Variants in FBXO7 observed in about 807,000 individuals in gnomAD.
FBXO7 encodes F-box protein 7.
FBXO7 carries 31 observed loss-of-function variants against 50.2 expected under a neutral mutation model. The observed-to-expected ratio is 0.62, with a 90% CI of 0.46 to 0.83. FBXO7 has a LOEUF of 0.83. FBXO7 is among the 40% of genes least tolerant of loss of function. The pLI is 0.00. For synonymous variants in FBXO7, 256 were observed against 253.1 expected, an observed-to-expected ratio of 1.01 and a Z score of -0.11; for missense variants, 667 against 646.6, an observed-to-expected ratio of 1.03 and a Z score of -0.34.
At chr22:32,475,232 C>T in intron 1 of FBXO7, 108 bp downstream of exon 1, 2 of 1,520,830 alleles carry the variant, frequency 1.3e-6, no homozygotes, top group East Asian at 2.5e-5. Context: ...CGTGGCCGGG[C>T]GATAGGCCAA....
intron 4 of FBXO7, 142 bp downstream of exon 4, chr22:32,485,351 A>G: frequency 9.2e-7 from 1 of 1,088,432 alleles, no homozygotes; most frequent in Middle Eastern, 2.9e-4. Context: ...TAGGCCACTG[A>G]TAACATGTGT....
At chr22:32,477,768 G>A (rs2057438278) in intron 1 of FBXO7, among the ~76,000 whole-genome samples, 1 of 152,114 alleles carries the variant, frequency 6.6e-6, no homozygotes, top group Admixed American at 6.5e-5. Flanking sequence ...TTGATTTCAC[G>A]CTCATCTCTT....
chr22:32,487,913 C>T, intron 5 of FBXO7, 85 bp downstream of exon 5: 1 of 840,842 alleles, frequency 1.2e-6, no homozygotes, highest in South Asian at 1.5e-5. Flanking sequence ...GTTCAAAAGA[C>T]TGAAAATTTC....
At chr22:32,475,572 A>C (rs1390086708) in intron 1 of FBXO7, 1 of 825,426 alleles carries the variant, frequency 1.2e-6, no homozygotes, top group Non-Finnish European at 1.8e-6. Flanking sequence ...ATTTCAATGA[A>C]AAAGTTTGGA....
chr22:32,480,734 A>G (rs780035137), intron 2 of FBXO7, among the ~76,000 whole-genome samples: 8 of 151,512 alleles, frequency 5.3e-5, no homozygotes, highest in South Asian at 2.1e-4. Context: ...CAGTGGCACA[A>G]TCTCAGCTCA....
Position 32,491,163 on chromosome 22 carries a change from C to T in FBXO7, c.949C>T (p.Leu317=), listed in dbSNP as rs9726. ...LFKDQLVYPL[L]AFTRQALNLP... is the part of the protein sequence containing the mutation. The stretch of plus-strand genomic sequence containing the variant: ...TAAAGACCAGCTGGTGTATCCTCTT[C>T]TGGCTTTTACCCGACAAGGTAAGAG... Residue 317 remains leucine (L), a synonymous_variant, in exon 6 of 9, where the codon CTG becomes TTG. Transcript: ENST00000266087. 648,192 of 1,606,990 alleles carry T rather than the reference C, an allele frequency of 0.4. 136,332 individuals carry two copies. The highest frequency in any genetic ancestry group is 0.73 in the East Asian group (32,726 of 44,768).
At position 32,481,972 on chromosome 22, in the gene FBXO7, T is replaced by C. The variant is rs2057467761; in HGVS notation, c.418-1925T>C. Among the ~76,000 whole-genome samples, 3 of 151,998 alleles carry C rather than the reference T, an allele frequency of 2.0e-5. No individual in the cohort carries two copies. In the South Asian group the frequency reaches 6.2e-4, roughly 31 times the overall value. On this transcript the variant is annotated intron_variant, in intron 2 of 8. Coordinates refer to ENST00000266087, the MANE Select transcript of FBXO7 (RefSeq NM_012179.4). ...AATGTCAGTGGTTCTTATGGAGTAG[T>C]AGTAAGGCTTGACAAGCCCAGCAGG... is the stretch of plus-strand genomic sequence containing the variant.
At chr22:32,475,301 G>A in intron 1 of FBXO7, 177 bp downstream of exon 1, 1 of 1,603,012 alleles carries the variant, frequency 6.2e-7, no homozygotes, top group Non-Finnish European at 8.5e-7. Context: ...GCGTCGCGGA[G>A]CCGGAGGGTG....
intron 7 of FBXO7, among the ~76,000 whole-genome samples, chr22:32,494,818 G>A (rs116072524): frequency 0.011 from 1,625 of 152,272 alleles, 40 homozygotes; most frequent in African/African-American, 0.037. Context: ...CGGAGCTAGA[G>A]CTTTTATAAA....
rs1429172402 is a variant in FBXO7 at position 32,479,081 on chromosome 22, T to C, written c.223T>C (p.Cys75Arg). ...TGGGATTGTTTCTGGGGACTTGATA[T>C]GTTTGATTCTTCAAGATGACATTCC... Reference protein sequence around the residue: ...SYGIVSGDLICLILQDDIPAP... With the variant: ...SYGIVSGDLIRLILQDDIPAP... Residue 75 changes from cysteine to arginine, a missense_variant, in exon 2 of 9, where the codon TGT becomes CGT. Cys to Arg is a radical substitution (Grantham distance 180). Coordinates refer to ENST00000266087, the MANE Select transcript of FBXO7 (RefSeq NM_012179.4). 1 of 1,614,202 alleles carries C rather than the reference T, an allele frequency of 6.2e-7. No individual in the cohort carries two copies. Among genetic ancestry groups the C allele is most frequent in the Non-Finnish European group, 8.5e-7 (1 of 1,180,028 alleles).
intron 5 of FBXO7, chr22:32,489,386 A>C (rs79234465): frequency 6.6e-6 from 1 of 152,238 alleles, no homozygotes; most frequent in Admixed American, 6.5e-5. Flanking sequence ...TATCATGAGG[A>C]TCAGAAAAAC....
chr22:32,481,845 T>C (rs1189964032), intron 2 of FBXO7, among the ~76,000 whole-genome samples: 2 of 151,666 alleles, frequency 1.3e-5, no homozygotes, highest in Non-Finnish European at 2.9e-5. Flanking sequence ...AAATGACATA[T>C]GGCAAAATGA....
intron 6 of FBXO7, chr22:32,492,348 A>AT (rs1333554855): frequency 6.6e-6 from 1 of 152,278 alleles, no homozygotes; most frequent in Non-Finnish European, 1.5e-5. Context: ...AAACATGTAG[A>AT]TATGTCTGTT....
chr22:32,489,857 C>G (rs1308099584), intron 5 of FBXO7: 2 of 152,170 alleles, frequency 1.3e-5, no homozygotes, highest in Non-Finnish European at 2.9e-5. Context: ...TATAACTAGG[C>G]ACTGTTATTT....
chr22:32,474,875 C>T lies in FBXO7; in HGVS notation c.-128C>T. The T allele has an allele frequency of 1.1e-6, 1 of 932,106 alleles. No individual in the cohort carries two copies. Among genetic ancestry groups the T allele is most frequent in the Non-Finnish European group, 1.5e-6 (1 of 649,528 alleles). 57.7% of individuals were successfully genotyped at this position (932,106 alleles called of 1,614,324 possible). On this transcript the variant is annotated 5_prime_UTR_variant, in exon 1 of 9. Transcript: ENST00000266087. ...GCGGGGCTCTTTCCCCGTTTCGCCTCAGCTACCCCTCAGCTCCGGTAGTCG... is the reference window on the plus strand; with the variant it reads ...GCGGGGCTCTTTCCCCGTTTCGCCTTAGCTACCCCTCAGCTCCGGTAGTCG...
chr22:32,498,392 A>G lies in FBXO7; in HGVS notation c.1431A>G (p.Pro477=). The G allele has an allele frequency of 1.2e-6, 2 of 1,614,150 alleles. No individual in the cohort carries two copies. Among genetic ancestry groups the G allele is most frequent in the Non-Finnish European group, 8.5e-7 (1 of 1,180,028 alleles). ...GGGAGACGCCCAGCCAGTTTCCTCC[A>G]CTGAGACCACGCTTTGATCCAGTTG... is the stretch of plus-strand genomic sequence containing the variant. ...GPGETPSQFP[P]LRPRFDPVGP... The change falls in exon 9 of 9, where the codon CCA becomes CCG. Residue 477 remains proline, a synonymous_variant. Transcript: ENST00000266087.
chr22:32,474,887 A>C lies in FBXO7; in HGVS notation c.-116A>C. ...CCCCGTTTCGCCTCAGCTACCCCTC[A>C]GCTCCGGTAGTCGCCAGTCCGGGGT... On this transcript the variant is annotated 5_prime_UTR_variant, in exon 1 of 9. Transcript: ENST00000266087. 1 of 1,045,208 alleles carries C rather than the reference A, an allele frequency of 9.6e-7. No homozygotes were observed. Among genetic ancestry groups the C allele is most frequent in the East Asian group, 2.8e-5 (1 of 35,502 alleles). 64.7% of individuals were successfully genotyped at this position (1,045,208 alleles called of 1,614,324 possible). A position where few individuals can be genotyped will look rare whatever the true frequency, so the allele number is the denominator to read the frequency against.
chr22:32,493,291 G>A lies in FBXO7; in HGVS notation c.1144+10G>A, dbSNP rs201880373. 165 of 1,611,412 alleles carry A rather than the reference G, an allele frequency of 1.0e-4. No homozygotes were observed. Among genetic ancestry groups the A allele is most frequent in the African/African-American group, 6.4e-4 (48 of 74,836 alleles). The stretch of plus-strand genomic sequence containing the variant: ...CTGCGTGATTTTCGAGGTGATTTCC[G>A]TAATGACATATTCACAAGAAAGGGC... On this transcript the variant is annotated intron_variant, in intron 7 of 8. Coordinates refer to ENST00000266087, the MANE Select transcript of FBXO7 (RefSeq NM_012179.4).
intron 8 of FBXO7, among the ~76,000 whole-genome samples, chr22:32,497,740 A>G (rs2057584527): frequency 1.3e-5 from 2 of 152,320 alleles, no homozygotes; most frequent in East Asian, 3.9e-4. Flanking sequence ...TCACTGTTGT[A>G]TTATTTTAAG....
Sources: gnomAD v4.1 joint callset for allele counts (sites outside exome capture counted in the v4.1 genomes callset) on GRCh38, gnomAD v4.1.1 for gene constraint, MANE v1.5 for transcripts, NCBI Gene and HGNC (gene_info 2026-07-23, HGNC 2026-07-21) for gene names.